The following PGAP4 variants were observed in gnomAD, a reference collection of about 807,000 sequenced individuals.
The protein encoded by PGAP4 is post-GPI attachment to proteins GalNAc transferase 4.
A neutral mutation model predicts 28.2 loss-of-function variants in PGAP4; 12 were observed. That is an observed-to-expected ratio of 0.42 (90% CI 0.27 to 0.69). PGAP4 has a LOEUF of 0.69. PGAP4 is among the 30% of genes least tolerant of loss of function. The probability of loss-of-function intolerance (pLI) is 0.22; values close to 1 mark genes in which losing one functional copy is unlikely to be tolerated. For synonymous variants in PGAP4, 205 were observed against 211.8 expected, an observed-to-expected ratio of 0.97 and a Z score of 0.28; for missense variants, 425 against 513.5, an observed-to-expected ratio of 0.83 and a Z score of 1.67.
intron 2 of PGAP4, among the ~76,000 whole-genome samples, chr9:101,529,768 G>C (rs1274601807): frequency 6.6e-6 from 1 of 152,182 alleles, no homozygotes; most frequent in Non-Finnish European, 1.5e-5. Flanking sequence ...GACAAGAGGA[G>C]GGGGCTCGTT....
intron 2 of PGAP4, among the ~76,000 whole-genome samples, chr9:101,513,384 G>T (rs370572891): frequency 1.2e-4 from 18 of 152,108 alleles, no homozygotes; most frequent in East Asian, 5.8e-4. Context: ...TCCAAAATAT[G>T]TTCTAATCTA....
chr9:101,531,321 C>T (rs538598590), intron 2 of PGAP4: 2 of 152,044 alleles, frequency 1.3e-5, no homozygotes, highest in Non-Finnish European at 2.9e-5. Context: ...ACATATATCC[C>T]AGTTGCTAGA....
chr9:101,522,411 T>C (rs1357519294), intron 2 of PGAP4, among the ~76,000 whole-genome samples: 2 of 152,194 alleles, frequency 1.3e-5, no homozygotes, highest in African/African-American at 4.8e-5. Flanking sequence ...TAGGTGCATA[T>C]ATGTTTAAGA....
chr9:101,523,619 C>CTTTTTTTCTTTT (rs1827007180), intron 2 of PGAP4, among the ~76,000 whole-genome samples: 1 of 59,344 alleles, frequency 1.7e-5, no homozygotes, highest in Non-Finnish European at 3.1e-5. Flanking sequence ...CTTCTTGTAT[C>CTTTTTTTCTTTT]TTTTTTTTTT....
At position 101,519,160 on chromosome 9, in the gene PGAP4, T is replaced by G. The variant is rs1187843530; in HGVS notation, c.-165+12188A>C. On this transcript the variant is annotated intron_variant, in intron 2 of 3. Transcript: ENST00000374851. ...TCCTTGGCCCACTTTTGTTTGGTTT[T>G]GTTTTGTTTTGTTTTTAGATGGAGT... Among the ~76,000 whole-genome samples, 6 of 152,186 alleles carry G rather than the reference T, an allele frequency of 3.9e-5. No individual in the cohort carries two copies. The South Asian group carries it at 1.0e-3, about 26-fold the overall frequency.
intron 1 of PGAP4, among the ~76,000 whole-genome samples, chr9:101,480,204 G>T (rs1327733142): frequency 6.6e-6 from 1 of 152,106 alleles, no homozygotes; most frequent in African/African-American, 2.4e-5. Flanking sequence ...CACGAATAAG[G>T]ACAGGCTTCA....
intron 1 of PGAP4, among the ~76,000 whole-genome samples, chr9:101,482,157 A>C (rs1445028231): frequency 1.3e-5 from 2 of 152,248 alleles, no homozygotes; most frequent in Non-Finnish European, 2.9e-5. Flanking sequence ...GGAAAATAAA[A>C]GATACTTCAA....
At chr9:101,504,962 T>C (rs1261916159) in intron 2 of PGAP4, among the ~76,000 whole-genome samples, 1 of 151,962 alleles carries the variant, frequency 6.6e-6, no homozygotes, top group African/African-American at 2.4e-5. Context: ...CATAGATGGG[T>C]TAGATGATAC....
At chr9:101,489,435 G>GGTAT (rs1826666477), upstream of PGAP4, among the ~76,000 whole-genome samples, 1 of 152,092 alleles carries the variant, frequency 6.6e-6, no homozygotes, top group Non-Finnish European at 1.5e-5. Context: ...ATAGTGCAGT[G>GGTAT]CATACCCTAG....
intron 2 of PGAP4, among the ~76,000 whole-genome samples, chr9:101,494,701 G>A (rs920015961): frequency 6.6e-6 from 1 of 151,586 alleles, no homozygotes; most frequent in African/African-American, 2.4e-5. Flanking sequence ...TTAGACTATA[G>A]CTGATTGCAA....
chr9:101,476,650 C>T lies in PGAP4; in HGVS notation c.443G>A (p.Arg148His), dbSNP rs374762464. The T allele has an allele frequency of 2.8e-5, 46 of 1,614,086 alleles. 1 individual carries two copies. Among genetic ancestry groups the T allele is most frequent in the African/African-American group, 6.7e-5 (5 of 74,932 alleles). Residue 148 changes from arginine (R) to histidine (H), a missense_variant, in exon 2 of 2, where the codon CGT (arginine) becomes CAT (histidine). Physicochemically the swap from Arg to His is conservative, Grantham distance 29. Coordinates refer to ENST00000374848, the MANE Select transcript of PGAP4 (RefSeq NM_032342.3). This position sits in a 1 kb window ranked among gnomAD's most constrained non-coding sequence, Gnocchi z 7.0. ...CTTGGCATCAAAATGGCTCACACTA[C>T]GCTCCACGTTGCACAGGAAGAGTTG... ...GHQLFLCNVE[R>H]SVSHFDAKLL...
intron 2 of PGAP4, among the ~76,000 whole-genome samples, chr9:101,518,667 T>C (rs1215741019): frequency 6.6e-6 from 1 of 152,256 alleles, no homozygotes; most frequent in African/African-American, 2.4e-5. Context: ...TATGGCTGCA[T>C]AGTATTCCAT....
chr9:101,483,156 C>T (rs979474456), intron 1 of PGAP4, among the ~76,000 whole-genome samples: 1 of 152,166 alleles, frequency 6.6e-6, no homozygotes, highest in South Asian at 2.1e-4. Flanking sequence ...TCTTTGGTAT[C>T]CCTCACAGAC....
intron 2 of PGAP4, among the ~76,000 whole-genome samples, chr9:101,506,205 C>A (rs1464105832): frequency 6.6e-6 from 1 of 152,024 alleles, no homozygotes; most frequent in East Asian, 1.9e-4. Flanking sequence ...CTATAGTAAG[C>A]CGCTACCAGT....
At chr9:101,493,425 C>T (rs1826710051) in intron 2 of PGAP4, among the ~76,000 whole-genome samples, 1 of 152,068 alleles carries the variant, frequency 6.6e-6, no homozygotes, top group Admixed American at 6.6e-5. Flanking sequence ...AGTTTATACT[C>T]AGATTGATCA....
chr9:101,479,119 C>A (rs1826409366), intron 1 of PGAP4, among the ~76,000 whole-genome samples: 1 of 152,184 alleles, frequency 6.6e-6, no homozygotes, highest in African/African-American at 2.4e-5. Context: ...CAACCCCAGT[C>A]TTGCTGGTTT....
chr9:101,517,190 A>G (rs1313318606), intron 2 of PGAP4, among the ~76,000 whole-genome samples: 1 of 152,200 alleles, frequency 6.6e-6, no homozygotes, highest in Admixed American at 6.5e-5. Flanking sequence ...ACCAAGTTCC[A>G]AAGTGAAGAC....
At chr9:101,480,127 T>C (rs1026635162) in intron 1 of PGAP4, among the ~76,000 whole-genome samples, 6 of 151,912 alleles carry the variant, frequency 3.9e-5, no homozygotes, top group Non-Finnish European at 8.8e-5. Flanking sequence ...TCACGGAGTA[T>C]GGAAATTTTT....
rs1328514438 is a variant in PGAP4, at chr9:101,473,243, T to C, written c.*2638A>G. The C allele has an allele frequency of 1.3e-5, 2 of 152,252 alleles. No homozygotes were observed. The highest frequency in any genetic ancestry group is 2.4e-5 in the African/African-American group (1 of 41,466). The allele number at this position is 152,252 out of a possible 1,614,324, so 9.4% of individuals were successfully genotyped here. ...ACACTCAGTCACAAGAGAGAGCTTCTTAAGCCTGACCATAATTTAAACTCT... is the reference window on the plus strand; with the variant it reads ...ACACTCAGTCACAAGAGAGAGCTTCCTAAGCCTGACCATAATTTAAACTCT... On this transcript the variant is annotated 3_prime_UTR_variant, in exon 2 of 2. Coordinates refer to ENST00000374848, the MANE Select transcript of PGAP4 (RefSeq NM_032342.3).
Sources: gnomAD v4.1 joint callset for allele counts (sites outside exome capture counted in the v4.1 genomes callset) on GRCh38, gnomAD v4.1.1 for gene constraint, Gnocchi (gnomAD v3.1) non-coding constraint, MANE v1.5 for transcripts, NCBI Gene and HGNC (gene_info 2026-07-23, HGNC 2026-07-21) for gene names.